Variants in ZNF280D observed in about 807,000 individuals in gnomAD.
ZNF280D encodes the protein suppressor of hairy wing homolog 4.
Under a neutral mutation model 94.7 loss-of-function variants are expected in ZNF280D, and 39 were observed. The observed-to-expected ratio is 0.41, with a 90% CI of 0.32 to 0.54. The LOEUF is 0.54. Ranked by LOEUF, ZNF280D falls within the 20% of genes least tolerant of loss-of-function variation. ZNF280D has a pLI of 0.22. For missense variants in ZNF280D, 1,090 were observed against 1,149.3 expected (o/e 0.95, Z 0.75); for synonymous variants, 398 against 377.6 (o/e 1.05, Z -0.63).
intron 1 of ZNF280D, chr15:56,733,148 G>A (rs1248599632): frequency 6.5e-6 from 1 of 152,986 alleles, no homozygotes; most frequent in Non-Finnish European, 1.5e-5. Context: ...GGGACAAACA[G>A]GCGCACACGC....
At chr15:56,640,066 A>C (rs1410295400) in intron 20 of ZNF280D, among the ~76,000 whole-genome samples, 1 of 152,158 alleles carries the variant, frequency 6.6e-6, no homozygotes, top group African/African-American at 2.4e-5. Flanking sequence ...ACAGAAAACT[A>C]AACAAACGAG....
At chr15:56,717,103 G>A (rs777631876) in intron 1 of ZNF280D, among the ~76,000 whole-genome samples, 1 of 152,174 alleles carries the variant, frequency 6.6e-6, no homozygotes, top group Non-Finnish European at 1.5e-5. Flanking sequence ...ATCACTAAGG[G>A]AATGCTAAGG....
In ZNF280D at chr15:56,733,474, C is replaced by CGGCCT; in HGVS notation, c.-107_-103dup. On this transcript the variant is annotated 5_prime_UTR_variant, in exon 1 of 22. Transcript: ENST00000267807. ...GGCGCTTACCGTGAGCGGAGCGGAT[C>CGGCCT]GGCCTGACTGGAGCCCTGAGGAGGA... 1 of 1,104,056 alleles carries CGGCCT rather than the reference C, an allele frequency of 9.1e-7. No homozygotes were observed. The highest frequency in any genetic ancestry group is 1.1e-6 in the Non-Finnish European group (1 of 898,658). 68.4% of individuals were successfully genotyped at this position (1,104,056 alleles called of 1,614,324 possible).
intron 1 of ZNF280D, among the ~76,000 whole-genome samples, chr15:56,712,118 T>C (rs1421592886): frequency 6.6e-6 from 1 of 152,210 alleles, no homozygotes; most frequent in African/African-American, 2.4e-5. Context: ...TAGCTTTATA[T>C]CTTCCAGACT....
chr15:56,731,530 AC>A (rs2058889472), intron 1 of ZNF280D, among the ~76,000 whole-genome samples: 1 of 146,566 alleles, frequency 6.8e-6, no homozygotes, highest in East Asian at 2.0e-4. Flanking sequence ...AAAAAAAAAG[AC>A]TGAAAAGGAA....
At chr15:56,651,213 T>C (rs939003067) in intron 19 of ZNF280D, among the ~76,000 whole-genome samples, 3 of 152,180 alleles carry the variant, frequency 2.0e-5, no homozygotes, top group Admixed American at 6.5e-5. Context: ...GGCAAGAATC[T>C]GAGCCTCTGT....
chr15:56,634,465 A>G (rs192719448), intron 21 of ZNF280D, among the ~76,000 whole-genome samples: 101 of 152,252 alleles, frequency 6.6e-4, no homozygotes, highest in African/African-American at 2.4e-3. Context: ...TTCAAGGTGA[A>G]GAAAGGGCGA....
At chr15:56,633,050 T>C (rs1319103812) in intron 21 of ZNF280D, among the ~76,000 whole-genome samples, 3 of 152,160 alleles carry the variant, frequency 2.0e-5, no homozygotes, top group Admixed American at 2.0e-4. Context: ...TCACAAAATA[T>C]GAGAAACAAG....
Position 56,700,926 on chromosome 15 carries a change from CACTT to C in ZNF280D, c.381+3_381+6del. The C allele has an allele frequency of 6.2e-7, 1 of 1,613,798 alleles. No homozygotes were observed. The highest frequency in any genetic ancestry group is 8.5e-7 in the Non-Finnish European group (1 of 1,179,826). ...TGAGCTGGCCGTATAGTTTTAGAAACACTTACAGGTTTAGAAAAAGGCTGAACAA... is the reference window on the plus strand; with the variant it reads ...TGAGCTGGCCGTATAGTTTTAGAAACACAGGTTTAGAAAAAGGCTGAACAA... On this transcript the variant is annotated splice_donor_5th_base_variant and intron_variant, in intron 6 of 21. Coordinates refer to ENST00000267807, the MANE Select transcript of ZNF280D (RefSeq NM_017661.4).
Position 56,704,219 on chromosome 15 carries a change from A to T in ZNF280D, c.77T>A (p.Leu26Gln), listed in dbSNP as rs1294680285. The T allele has an allele frequency of 6.2e-7, 1 of 1,613,178 alleles. No individual in the cohort carries two copies. Among genetic ancestry groups the T allele is most frequent in the African/African-American group, 1.3e-5 (1 of 74,852 alleles). Residue 26 changes from leucine to glutamine, a missense_variant, in exon 4 of 22, where the codon CTG becomes CAG. Transcript: ENST00000267807. ...TTTTACTTTCTTCTGCCATGGTTCCAGCTCCTCTTCTTCACATTCCATAAA... is the reference window on the plus strand; with the variant it reads ...TTTTACTTTCTTCTGCCATGGTTCCTGCTCCTCTTCTTCACATTCCATAAA... The part of the protein sequence containing the change: ...ELFMECEEEE[L>Q]EPWQKKVKEV...
intron 7 of ZNF280D, among the ~76,000 whole-genome samples, chr15:56,692,233 G>A (rs2056462669): frequency 6.6e-6 from 1 of 151,792 alleles, no homozygotes; most frequent in Non-Finnish European, 1.5e-5. Flanking sequence ...ACCCAGAGAG[G>A]TGAATATCAA....
chr15:56,687,540 C>T (rs1307261629), intron 9 of ZNF280D, among the ~76,000 whole-genome samples: 2 of 152,004 alleles, frequency 1.3e-5, no homozygotes, highest in Admixed American at 1.3e-4. Flanking sequence ...ATACTAGGAA[C>T]CAGGTAAAAA....
At chr15:56,667,171 T>G (rs2054350102) in intron 14 of ZNF280D, among the ~76,000 whole-genome samples, 185 bp from the exon 15 acceptor site, 1 of 152,216 alleles carries the variant, frequency 6.6e-6, no homozygotes, top group South Asian at 2.1e-4. Context: ...TGATATTAAG[T>G]TGTAATATTA....
chr15:56,684,753 CAT>C (rs1342592436), intron 9 of ZNF280D, among the ~76,000 whole-genome samples: 1 of 151,824 alleles, frequency 6.6e-6, no homozygotes, highest in Non-Finnish European at 1.5e-5. Context: ...AAAAAAAAGA[CAT>C]ATGTCAGGGA....
At position 56,632,081 on chromosome 15, in the gene ZNF280D, C is replaced by T. The variant is rs1282910741; in HGVS notation, c.2357G>A (p.Cys786Tyr). 6.3e-7 allele frequency: 1 copy of T among 1,593,692 alleles called. No homozygotes were observed. Among genetic ancestry groups the T allele is most frequent in the Non-Finnish European group, 8.5e-7 (1 of 1,171,304 alleles). ...TGAGCCTTCAAATGAATTTGCATTA[C>T]ATCCATTTTTTTCTTTTGAAGAAGC... Reference protein sequence around the residue: ...KAASSKEKNGCNANSFEGSST... With the variant: ...KAASSKEKNGYNANSFEGSST... Residue 786 changes from cysteine (C) to tyrosine (Y), a missense_variant, in exon 22 of 22, where the codon TGT becomes TAT. Coordinates refer to ENST00000267807, the MANE Select transcript of ZNF280D (RefSeq NM_017661.4).
chr15:56,659,625 G>A (rs566239746), intron 16 of ZNF280D, among the ~76,000 whole-genome samples: 352 of 152,018 alleles, frequency 2.3e-3, no homozygotes, highest in Non-Finnish European at 3.8e-3. Context: ...CACAGTTTCA[G>A]GCGTTCACTG....
In ZNF280D at chr15:56,733,498, G is replaced by A. The variant is rs2059010493; in HGVS notation, c.-126C>T. On this transcript the variant is annotated 5_prime_UTR_variant, in exon 1 of 22. Coordinates refer to ENST00000267807, the MANE Select transcript of ZNF280D (RefSeq NM_017661.4). Reference sequence around the variant, plus strand: ...TCGGCCTGACTGGAGCCCTGAGGAGGAGGAGAAAGAGGAGGAGGAAAAGGA... The same window carrying A: ...TCGGCCTGACTGGAGCCCTGAGGAGAAGGAGAAAGAGGAGGAGGAAAAGGA... 8.8e-7 allele frequency: 1 copy of A among 1,142,752 alleles called. No individual in the cohort carries two copies. The allele number at this position is 1,142,752 out of a possible 1,614,324, so 70.8% of individuals were successfully genotyped here.
intron 19 of ZNF280D, among the ~76,000 whole-genome samples, chr15:56,647,565 T>G (rs547349932): frequency 6.6e-6 from 1 of 152,270 alleles, no homozygotes; most frequent in South Asian, 2.1e-4. Flanking sequence ...AAGGTCTCAC[T>G]CTGTTGCCCA....
intron 13 of ZNF280D, among the ~76,000 whole-genome samples, chr15:56,673,226 T>C (rs1279718028): frequency 2.0e-5 from 3 of 151,920 alleles, no homozygotes; most frequent in Non-Finnish European, 4.4e-5. Context: ...CAAATCAACC[T>C]GAACAAAATT....
Sources: gnomAD v4.1 joint callset for allele counts (sites outside exome capture counted in the v4.1 genomes callset) on GRCh38, gnomAD v4.1.1 for gene constraint, MANE v1.5 for transcripts, NCBI Gene and HGNC (gene_info 2026-07-23, HGNC 2026-07-21) for gene names.